ING5: variants seen among roughly 807,000 people sequenced by gnomAD.
The protein encoded by ING5 is inhibitor of growth protein 5.
In ING5, 17 loss-of-function variants were observed where a neutral mutation model predicts 37.4. That is an observed-to-expected ratio of 0.45 (90% CI 0.31 to 0.68). The LOEUF (loss-of-function observed/expected upper bound fraction) is 0.68, where lower values mean the gene tolerates loss of function less well. ING5 is among the 30% of genes least tolerant of loss of function. The pLI is 0.05. For synonymous variants in ING5, 123 were observed against 116.6 expected (o/e 1.06, Z -0.36); for missense variants, 233 against 311.9 (o/e 0.75, Z 1.91).
chr2:241,690,734 A>C (rs2069538919), intron 2 of ING5: 1 of 397,962 alleles, frequency 2.5e-6, no homozygotes. Flanking sequence ...GGAGTTGGCC[A>C]CAGGCTGATA....
At chr2:241,718,712 C>T (rs922133298) in intron 5 of ING5, among the ~76,000 whole-genome samples, 10 of 152,062 alleles carry the variant, frequency 6.6e-5, no homozygotes, top group Admixed American at 2.0e-4. Flanking sequence ...CTGCTGTGCC[C>T]GGCCCTAAGT....
At chr2:241,690,038 G>A (rs1329413544) in exon 2 of ING5, 2 of 152,180 alleles carry the variant, frequency 1.3e-5, no homozygotes, top group East Asian at 1.9e-4. Flanking sequence ...GGTCCAGGAG[G>A]ACTCAGCAGG....
At chr2:241,724,115 G>C (rs1235961636) in intron 7 of ING5, 2 of 1,245,304 alleles carry the variant, frequency 1.6e-6, no homozygotes, top group Non-Finnish European at 2.0e-6. Flanking sequence ...GCTCTTCTGT[G>C]TGGCACTCAG....
chr2:241,699,861 G>A (rs2069686434), upstream of ING5, among the ~76,000 whole-genome samples: 1 of 152,210 alleles, frequency 6.6e-6, no homozygotes, highest in Admixed American at 6.5e-5. Context: ...CAGCTTGGGG[G>A]CGTCCAGTGG....
At position 241,725,660 on chromosome 2, in the gene ING5, C is replaced by T. The variant is rs1691591786; in HGVS notation, c.*629C>T. On this transcript the variant is annotated 3_prime_UTR_variant, in exon 8 of 8. Transcript: ENST00000313552. ...TTGGACTTCAGTCCTCCCTCGGGGA[C>T]TCACCTCCGGAGTAAACGGCTCTTC... is the stretch of plus-strand genomic sequence containing the variant. 1 of 152,642 alleles carries T rather than the reference C, an allele frequency of 6.6e-6. No homozygotes were observed. Among genetic ancestry groups the T allele is most frequent in the Non-Finnish European group, 1.5e-5 (1 of 68,044 alleles). The allele number at this position is 152,642 out of a possible 1,614,324, so 9.5% of individuals were successfully genotyped here. A position where few individuals can be genotyped will look rare whatever the true frequency, so the allele number is the denominator to read the frequency against.
At chr2:241,720,352 C>A (rs2070400112) in intron 5 of ING5, 6 of 1,201,416 alleles carry the variant, frequency 5.0e-6, no homozygotes, top group Non-Finnish European at 6.2e-6. Flanking sequence ...CTGCTGGGGA[C>A]CCAGGCGCAC....
At chr2:241,723,700 C>T in intron 7 of ING5, 1 of 1,523,096 alleles carries the variant, frequency 6.6e-7, no homozygotes, top group Non-Finnish European at 9.0e-7. Flanking sequence ...GGCTCTGCCC[C>T]TGGCTCTGTC....
At chr2:241,689,288 TTAG>T (rs2069511502) in intron 1 of ING5, among the ~76,000 whole-genome samples, 1 of 152,108 alleles carries the variant, frequency 6.6e-6, no homozygotes, top group African/African-American at 2.4e-5. Flanking sequence ...AATTTTTGTA[TTAG>T]TAGAGATGGG....
chr2:241,719,764 A>G (rs1559312044), intron 5 of ING5: 2 of 1,447,914 alleles, frequency 1.4e-6, no homozygotes, highest in Non-Finnish European at 9.0e-7. Flanking sequence ...ACACAGGAAG[A>G]TCCACTGTGG....
chr2:241,723,720 A>G, intron 7 of ING5: 1 of 1,583,080 alleles, frequency 6.3e-7, no homozygotes, highest in Non-Finnish European at 8.6e-7. Flanking sequence ...CTAGTGGAGA[A>G]GGGTGTGTTT....
upstream of ING5, among the ~76,000 whole-genome samples, chr2:241,697,540 C>G (rs779593337): frequency 2.8e-4 from 43 of 152,140 alleles, no homozygotes; most frequent in Non-Finnish European, 5.1e-4. Context: ...GAAAGGCACG[C>G]TGGGACCTTA....
rs1335657303 is a variant in ING5 at position 241,727,703 on chromosome 2, C to G, written c.*2672C>G. 6.6e-6 allele frequency: 1 copy of G among 152,230 alleles called. No individual in the cohort carries two copies. Among genetic ancestry groups the G allele is most frequent in the Non-Finnish European group, 1.5e-5 (1 of 68,062 alleles). The allele number at this position is 152,230 out of a possible 1,614,324, so 9.4% of individuals were successfully genotyped here. The stretch of plus-strand genomic sequence containing the variant: ...TTTTGGGAAGAGGGATAGGTAAGTG[C>G]AGGGAGTTTGTGCTGAAACAGCGCC... On this transcript the variant is annotated 3_prime_UTR_variant, in exon 8 of 8. Coordinates refer to ENST00000313552, the MANE Select transcript of ING5 (RefSeq NM_032329.6).
At chr2:241,715,748 A>G (rs1471403210) in intron 5 of ING5, among the ~76,000 whole-genome samples, 2 of 148,644 alleles carry the variant, frequency 1.3e-5, no homozygotes, top group Non-Finnish European at 1.5e-5. Context: ...TGGCCTCCCA[A>G]CATACTGGGA....
Position 241,711,400 on chromosome 2 carries a change from T to G in ING5, c.300T>G (p.Leu100=). The G allele has an allele frequency of 6.4e-7, 1 of 1,551,826 alleles. No individual in the cohort carries two copies. Among genetic ancestry groups the G allele is most frequent in the Non-Finnish European group, 8.7e-7 (1 of 1,153,534 alleles). The stretch of plus-strand genomic sequence containing the variant: ...AGGTGGATAAACACATTCGAAGGCT[T>G]GATGCAGACCTGGCGCGCTTTGAAG... ...YEMVDKHIRR[L]DADLARFEAD... Residue 100 remains leucine (L), a synonymous_variant, in exon 4 of 8, where the codon CTT becomes CTG. Coordinates refer to ENST00000313552, the MANE Select transcript of ING5 (RefSeq NM_032329.6).
chr2:241,722,145 G>A, intron 5 of ING5: 1 of 985,436 alleles, frequency 1.0e-6, no homozygotes, highest in Non-Finnish European at 1.2e-6. Context: ...TCTCTTGGGA[G>A]GAGGTCACAG....
At chr2:241,712,233 G>A (rs959159681) in intron 5 of ING5, 162 bp downstream of exon 5, 34 of 611,328 alleles carry the variant, frequency 5.6e-5, no homozygotes, top group Non-Finnish European at 8.8e-5. Flanking sequence ...TGTCCTCACC[G>A]CAGCCTTTGA....
intron 2 of ING5, among the ~76,000 whole-genome samples, chr2:241,705,188 C>T (rs1306679201): frequency 6.6e-6 from 1 of 152,044 alleles, no homozygotes; most frequent in African/African-American, 2.4e-5. Flanking sequence ...CATTCTCTTG[C>T]CTCAGCCTCC....
At chr2:241,708,251 A>G (rs1390664094) in intron 2 of ING5, among the ~76,000 whole-genome samples, 2 of 144,938 alleles carry the variant, frequency 1.4e-5, no homozygotes, top group African/African-American at 5.2e-5. Context: ...TCTTTCGCCC[A>G]GGCCGGACTG....
At chr2:241,701,229 G>T (rs1057433337), upstream of ING5, among the ~76,000 whole-genome samples, 1 of 152,140 alleles carries the variant, frequency 6.6e-6, no homozygotes, top group African/African-American at 2.4e-5. Context: ...CTCCCAAAGT[G>T]ATGGGATTAC....
Sources: allele counts gnomAD v4.1 joint callset (sites outside exome capture counted in the v4.1 genomes callset), GRCh38; gene constraint gnomAD v4.1.1; transcripts MANE v1.5; gene names NCBI Gene and HGNC (gene_info 2026-07-23, HGNC 2026-07-21).